The following ZAN variants were observed in gnomAD, a reference collection of about 807,000 sequenced individuals.
The protein encoded by ZAN is zonadhesin.
A neutral mutation model predicts 286.2 loss-of-function variants in ZAN; 260 were observed. The ratio of observed to expected loss-of-function variants is 0.91; its 90% CI spans 0.82 to 1.01. The LOEUF is 1.01. ZAN is among the 50% of genes least tolerant of loss of function. ZAN has a pLI of 0.00. For synonymous variants in ZAN, 1,368 were observed against 1,417.5 expected (o/e 0.97, Z 0.79); for missense variants, 3,410 against 3,639.2 (o/e 0.94, Z 1.62).
At chr7:100,797,018 T>A (rs546141134) in intron 45 of ZAN, among the ~76,000 whole-genome samples, 121 of 152,166 alleles carry the variant, frequency 8.0e-4, no homozygotes, top group Admixed American at 1.5e-3. Flanking sequence ...GTGCCCATAG[T>A]CCCAGCTACT....
rs753597249 is a variant in ZAN at position 100,771,899 on chromosome 7, C to G, written c.5304C>G (p.Cys1768Trp). 6.2e-7 allele frequency: 1 copy of G among 1,613,172 alleles called. No individual in the cohort carries two copies. The highest frequency in any genetic ancestry group is 2.2e-5 in the East Asian group (1 of 44,824). Residue 1768 changes from cysteine (C) to tryptophan (W), a missense_variant, in exon 29 of 48, where the codon TGC (cysteine) becomes TGG (tryptophan). Cys to Trp is a radical substitution (Grantham distance 215). This residue lies in a region of ZAN where 27 missense variants were observed against 58.7 expected (regional missense o/e 0.46). Transcript: ENST00000613979. ...CTCCCCAGTCCAGCTTTGCCAGTTG[C>G]GTGCATGGTCAGTGTGGGACCAAGG... ...VVPPQSSFASCVHGQCGTKGD... is the reference protein window; with the variant it reads ...VVPPQSSFASWVHGQCGTKGD...
Position 100,773,849 on chromosome 7 carries a change from C to CTGTTT in ZAN, c.5763_5764insTGTTT (p.His1922CysfsTer21). 3 of 1,590,162 alleles carry CTGTTT rather than the reference C, an allele frequency of 1.9e-6. No homozygotes were observed. The highest frequency in any genetic ancestry group is 2.6e-6 in the Non-Finnish European group (3 of 1,175,910). On this transcript the variant is annotated frameshift_variant, in exon 31 of 48. Transcript: ENST00000613979. LOFTEE classifies it high-confidence loss of function. ...TATGCTGGGCCCTGGATGGGCTGCT[C>CTGTTT]CATTGTCGGGCCTCAGGTAGGAGGA... is the stretch of plus-strand genomic sequence containing the variant.
chr7:100,758,233 C>G lies in ZAN; in HGVS notation c.3341C>G (p.Thr1114Arg). The stretch of plus-strand genomic sequence containing the variant: ...GCAGAGTGGTTCAGCCCCAACTGCA[C>G]AGAACATTGCCGCTGCTGGCCCGGC... ...PGAEWFSPNC[T>R]EHCRCWPGSR... Residue 1114 changes from threonine (T) to arginine (R), a missense_variant, in exon 16 of 48, where the codon ACA (threonine) becomes AGA (arginine). Thr to Arg is a moderately conservative substitution (Grantham distance 71, BLOSUM62 -1). Coordinates refer to ENST00000613979, the MANE Select transcript of ZAN (RefSeq NM_003386.3). 2 of 1,613,460 alleles carry G rather than the reference C, an allele frequency of 1.2e-6. No individual in the cohort carries two copies. The highest frequency in any genetic ancestry group is 2.2e-5 in the East Asian group (1 of 44,888).
intron 22 of ZAN, 93 bp downstream of exon 22, chr7:100,764,289 G>C: frequency 7.1e-7 from 1 of 1,399,050 alleles, no homozygotes. Context: ...TGGATCATGA[G>C]ATCAGGAGTT....
At position 100,735,598 on chromosome 7, in the gene ZAN, C is replaced by G; in HGVS notation, c.54-122C>G. 5.6e-6 allele frequency: 4 copies of G among 715,726 alleles called. 1 individual carries two copies. The South Asian group carries it at 7.4e-5, about 13-fold the overall frequency. 44.3% of individuals were successfully genotyped at this position (715,726 alleles called of 1,614,324 possible). On this transcript the variant is annotated intron_variant, in intron 2 of 47. Transcript: ENST00000613979. Reference sequence around the variant, plus strand: ...AAAAGAAAAAAAGTCAAGTCAGACACATTCACTGCATAAACACTGATCATC... The same window carrying G: ...AAAAGAAAAAAAGTCAAGTCAGACAGATTCACTGCATAAACACTGATCATC...
At chr7:100,761,582 C>T (rs984624610) in intron 19 of ZAN, among the ~76,000 whole-genome samples, 10 of 152,024 alleles carry the variant, frequency 6.6e-5, no homozygotes, top group East Asian at 1.9e-4. Context: ...TGCAGTGAGC[C>T]GAGATTGCAC....
In ZAN at chr7:100,759,815, C is replaced by A. The variant is rs537640782; in HGVS notation, c.3666C>A (p.Thr1222=). The A allele has an allele frequency of 6.2e-7, 1 of 1,612,118 alleles. No homozygotes were observed. Among genetic ancestry groups the A allele is most frequent in the Non-Finnish European group, 8.5e-7 (1 of 1,179,328 alleles). The part of the protein sequence containing the change: ...SKVYVTLPES[T]VTLLKGRRTL... ...TCTACGTGACCCTGCCCGAGAGCAC[C>A]GTCACCCTGCTTAAGGGCAGACGCA... Residue 1222 remains threonine (T), a synonymous_variant, in exon 18 of 48, where the codon ACC becomes ACA. Transcript: ENST00000613979.
At chr7:100,746,979 G>A (rs777347669) in intron 8 of ZAN, among the ~76,000 whole-genome samples, 1 of 152,142 alleles carries the variant, frequency 6.6e-6, no homozygotes, top group Non-Finnish European at 1.5e-5. Flanking sequence ...AGCTACACGG[G>A]AGGCTGAGGC....
chr7:100,769,918 A>C lies in ZAN; in HGVS notation c.5192A>C (p.Glu1731Ala). ...GGTGGCAAGCCCTCCAGCTGCCAGG[A>C]GAACAGCATGGCAGACGCCTGGAAC... Reference protein sequence around the residue: ...LVGGKPSSCQENSMADAWNKN... With the variant: ...LVGGKPSSCQANSMADAWNKN... The change falls in exon 28 of 48, where the codon GAG becomes GCG. Residue 1731 changes from glutamate (E) to alanine (A), a missense_variant. This residue lies in a region of ZAN where 1,042 missense variants were observed against 1,058.0 expected (regional missense o/e 0.98). Coordinates refer to ENST00000613979, the MANE Select transcript of ZAN (RefSeq NM_003386.3). 6.4e-7 allele frequency: 1 copy of C among 1,565,546 alleles called. No individual in the cohort carries two copies. The highest frequency in any genetic ancestry group is 8.7e-7 in the Non-Finnish European group (1 of 1,154,482).
In ZAN at chr7:100,745,343, C is replaced by T. The variant is rs954477635; in HGVS notation, c.767-1195C>T. On this transcript the variant is annotated intron_variant, in intron 7 of 47. Transcript: ENST00000613979. ...CCCACCTTCGGCAGGAGTGAGCGCG[C>T]GCCAGGCAAGACTCCCTTGGACTCG... Among the ~76,000 whole-genome samples the T allele has an allele frequency of 3.3e-5, 5 of 151,692 alleles. 1 individual carries two copies. Among genetic ancestry groups the T allele is most frequent in the African/African-American group, 1.2e-4 (5 of 41,198 alleles).
In ZAN at chr7:100,733,621, T is replaced by C. The variant is rs1212883390; in HGVS notation, c.-170T>C. 7.0e-6 allele frequency: 1 copy of C among 142,180 alleles called. No individual in the cohort carries two copies. The highest frequency in any genetic ancestry group is 2.0e-4 in the East Asian group (1 of 4,982). 8.8% of individuals were successfully genotyped at this position (142,180 alleles called of 1,614,324 possible). A position where few individuals can be genotyped will look rare whatever the true frequency, so the allele number is the denominator to read the frequency against. On this transcript the variant is annotated 5_prime_UTR_variant, in exon 1 of 48. Coordinates refer to ENST00000613979, the MANE Select transcript of ZAN (RefSeq NM_003386.3). ...GACTCCATGGTTGCTATTGAAAAGC[T>C]GGATGCCATGTTGATTTCTGATCCT... is the stretch of plus-strand genomic sequence containing the variant.
rs374073032 is a variant in ZAN at position 100,748,225 on chromosome 7, G to C, written c.1102+10G>C. The C allele has an allele frequency of 8.7e-6, 14 of 1,613,844 alleles. No homozygotes were observed. Among genetic ancestry groups the C allele is most frequent in the Non-Finnish European group, 1.2e-5 (14 of 1,179,884 alleles). Reference sequence around the variant, plus strand: ...ATTGCTCCTTGTGGGGGTGAGAGCAGGCCCTGAGAGGCCCGGATCTCTCAG... The same window carrying C: ...ATTGCTCCTTGTGGGGGTGAGAGCACGCCCTGAGAGGCCCGGATCTCTCAG... On this transcript the variant is annotated intron_variant, in intron 10 of 47. Coordinates refer to ENST00000613979, the MANE Select transcript of ZAN (RefSeq NM_003386.3).
intron 35 of ZAN, among the ~76,000 whole-genome samples, chr7:100,782,375 C>T (rs994688680): frequency 3.3e-5 from 5 of 152,100 alleles, no homozygotes; most frequent in Non-Finnish European, 7.4e-5. Context: ...ACTCTGTGGC[C>T]CAGGCTGCAG....
Position 100,751,724 on chromosome 7 carries a change from C to G in ZAN, c.1619C>G (p.Pro540Arg). 4 of 1,582,200 alleles carry G rather than the reference C, an allele frequency of 2.5e-6. No homozygotes were observed. Among genetic ancestry groups the G allele is most frequent in the Non-Finnish European group, 3.4e-6 (4 of 1,170,292 alleles). Residue 540 changes from proline (P) to arginine (R), a missense_variant, in exon 14 of 48, where the codon CCA becomes CGA. By Grantham distance (103) the Pro-to-Arg change is moderately radical. This residue lies in a region of ZAN where 872 missense variants were observed against 938.9 expected (regional missense o/e 0.93). Transcript: ENST00000613979. ...NPGTCPVKVL[P>R]ELPPVSPVSS... ...TTTTTCTTTGCAGTAAAAGTGCTAC[C>G]AGAGCTTCCTCCCGTATCTCCAGTT...
At position 100,779,526 on chromosome 7, in the gene ZAN, A is replaced by G; in HGVS notation, c.6398A>G (p.Asp2133Gly). 1 of 1,610,504 alleles carries G rather than the reference A, an allele frequency of 6.2e-7. No individual in the cohort carries two copies. The change falls in exon 35 of 48, where the codon GAC becomes GGC. Residue 2133 changes from aspartate (D) to glycine (G), a missense_variant. This residue lies in a region of ZAN where 1,289 missense variants were observed against 1,314.3 expected (regional missense o/e 0.98). Transcript: ENST00000613979. ...CCGAGTGGAAACTGCAGGGCGGCCG[A>G]CCTCCGCAGGGCGCGGGAAAAGTGC... Reference protein sequence around the residue: ...ENPSGNCRAADLRRAREKCEA... With the variant: ...ENPSGNCRAAGLRRAREKCEA...
At position 100,788,143 on chromosome 7, in the gene ZAN, G is replaced by T; in HGVS notation, c.7227+7G>T. ...AGCTGGTCTGGAGCTTGTGGTAAGA[G>T]CTGGGCCAGGGCCTGGTGGGTGTGG... On this transcript the variant is annotated splice_region_variant and intron_variant, in intron 38 of 47. Coordinates refer to ENST00000613979, the MANE Select transcript of ZAN (RefSeq NM_003386.3). 1 of 1,478,664 alleles carries T rather than the reference G, an allele frequency of 6.8e-7. No individual in the cohort carries two copies. The allele number at this position is 1,478,664 out of a possible 1,614,324, so 91.6% of individuals were successfully genotyped here.
At position 100,787,949 on chromosome 7, in the gene ZAN, ACCGCTTGCAAGGCCGCATGACCTATGTT is replaced by A; in HGVS notation, c.7042_7069del (p.Arg2348Ter). On this transcript the variant is annotated frameshift_variant, in exon 38 of 48. Coordinates refer to ENST00000613979, the MANE Select transcript of ZAN (RefSeq NM_003386.3). LOFTEE classifies it high-confidence loss of function. ...TACCTCACATTTGACGGCTTCAGCTACCGCTTGCAAGGCCGCATGACCTATGTTCTGATCAAGACTGTGGACGTACTGC... is the reference window on the plus strand; with the variant it reads ...TACCTCACATTTGACGGCTTCAGCTACTGATCAAGACTGTGGACGTACTGC... The A allele has an allele frequency of 2.0e-6, 1 of 493,276 alleles. No individual in the cohort carries two copies. Among genetic ancestry groups the A allele is most frequent in the Non-Finnish European group, 3.7e-6 (1 of 271,332 alleles). The allele number at this position is 493,276 out of a possible 1,614,324, so 30.6% of individuals were successfully genotyped here.
intron 8 of ZAN, 98 bp downstream of exon 8, chr7:100,746,800 G>A: frequency 7.1e-7 from 1 of 1,399,388 alleles, no homozygotes; most frequent in Non-Finnish European, 9.9e-7. Flanking sequence ...GGTCTAGGGA[G>A]GTCTGGAATA....
At position 100,752,112 on chromosome 7, in the gene ZAN, C is replaced by T. The variant is rs376200515; in HGVS notation, c.2007C>T (p.Thr669=). The change falls in exon 14 of 48, where the codon ACC becomes ACT. Residue 669 remains threonine, a synonymous_variant. Coordinates refer to ENST00000613979, the MANE Select transcript of ZAN (RefSeq NM_003386.3). ...CCACCACCCCCACTGAGGAGACCAC[C>T]ACCTCCATGGAAGAGCCTGTCATCC... is the stretch of plus-strand genomic sequence containing the variant. ...EEPTTPTEET[T]TSMEEPVIPT... 2.3e-4 allele frequency: 367 copies of T among 1,612,254 alleles called. No homozygotes were observed. Among genetic ancestry groups the T allele is most frequent in the Non-Finnish European group, 2.7e-4 (315 of 1,179,558 alleles).
Sources: gnomAD v4.1 joint callset for allele counts (sites outside exome capture counted in the v4.1 genomes callset) on GRCh38, gnomAD v4.1.1 for gene constraint, gnomAD v4.1.1 regional missense constraint, MANE v1.5 for transcripts, NCBI Gene and HGNC (gene_info 2026-07-23, HGNC 2026-07-21) for gene names.